Variants in ARHGAP24 observed in about 807,000 individuals in gnomAD.
ARHGAP24 encodes the protein rho GTPase-activating protein 24.
In ARHGAP24, 50 loss-of-function variants were observed where a neutral mutation model predicts 76.4. The observed-to-expected ratio is 0.65, with a 90% confidence interval of 0.52 to 0.83. The LOEUF (loss-of-function observed/expected upper bound fraction) is 0.83, where lower values mean the gene tolerates loss of function less well. ARHGAP24 is among the 40% of genes least tolerant of loss of function. The pLI, the probability that ARHGAP24 is intolerant of heterozygous loss-of-function variation, is 0.00. For synonymous variants in ARHGAP24, 345 were observed against 323.3 expected, an observed-to-expected ratio of 1.07 and a Z score of -0.72; for missense variants, 930 against 914.2, an observed-to-expected ratio of 1.02 and a Z score of -0.22.
At chr4:85,676,776 G>A (rs151155124) in intron 2 of ARHGAP24, among the ~76,000 whole-genome samples, 42 of 152,222 alleles carry the variant, frequency 2.8e-4, no homozygotes, top group African/African-American at 7.2e-5. Flanking sequence ...GCAGAGACAC[G>A]GAGAGCAATG....
chr4:85,999,376 G>A (rs1311049490), intron 9 of ARHGAP24, among the ~76,000 whole-genome samples: 2 of 152,136 alleles, frequency 1.3e-5, no homozygotes, highest in Admixed American at 1.3e-4. Context: ...AATTCTAGTT[G>A]CTTACAAAGA....
intron 5 of ARHGAP24, among the ~76,000 whole-genome samples, chr4:85,954,920 G>A (rs1449677294): frequency 1.3e-5 from 2 of 152,330 alleles, no homozygotes; most frequent in South Asian, 2.1e-4. Flanking sequence ...TGAGGCAGGA[G>A]AATCACTTGA....
chr4:85,713,105 C>G (rs1724588295), intron 2 of ARHGAP24, among the ~76,000 whole-genome samples: 1 of 152,090 alleles, frequency 6.6e-6, no homozygotes, highest in Admixed American at 6.6e-5. Context: ...TGAGACCAGC[C>G]TGGACATTAT....
intron 5 of ARHGAP24, among the ~76,000 whole-genome samples, chr4:85,952,918 A>G (rs1281800075): frequency 1.3e-5 from 2 of 152,240 alleles, no homozygotes; most frequent in Non-Finnish European, 2.9e-5. Flanking sequence ...ATAACTTTTT[A>G]TATTAAACTT....
At chr4:85,546,868 A>AT (rs1180373425) in intron 1 of ARHGAP24, among the ~76,000 whole-genome samples, 1 of 152,148 alleles carries the variant, frequency 6.6e-6, no homozygotes, top group Non-Finnish European at 1.5e-5. Context: ...TTCACCTTCA[A>AT]TTATTTACAT....
At chr4:85,495,541 C>T (rs1396819160) in intron 1 of ARHGAP24, among the ~76,000 whole-genome samples, 2 of 151,312 alleles carry the variant, frequency 1.3e-5, no homozygotes, top group Non-Finnish European at 2.9e-5. Context: ...TTAGTAGAGA[C>T]GGGTTTTCAC....
chr4:85,716,430 A>G (rs796066235), intron 2 of ARHGAP24, among the ~76,000 whole-genome samples: 3 of 152,262 alleles, frequency 2.0e-5, no homozygotes, highest in African/African-American at 7.2e-5. Context: ...TCAGGAATAA[A>G]AATACGTATA....
At chr4:85,752,903 T>C (rs1726316511) in intron 3 of ARHGAP24, among the ~76,000 whole-genome samples, 1 of 152,236 alleles carries the variant, frequency 6.6e-6, no homozygotes, top group African/African-American at 2.4e-5. Context: ...TACTTACTTC[T>C]GAACATTACC....
At chr4:85,620,051 A>AT (rs1398542191) in intron 2 of ARHGAP24, among the ~76,000 whole-genome samples, 2 of 151,870 alleles carry the variant, frequency 1.3e-5, no homozygotes, top group African/African-American at 2.4e-5. Context: ...TGTATGATTG[A>AT]TTTTCACTTA....
At chr4:85,593,997 T>C (rs1167486239) in intron 2 of ARHGAP24, among the ~76,000 whole-genome samples, 1 of 152,094 alleles carries the variant, frequency 6.6e-6, no homozygotes, top group East Asian at 1.9e-4. Flanking sequence ...AGAATGTCAT[T>C]GGTATTTTTA....
chr4:85,859,852 T>C (rs1379764790), intron 3 of ARHGAP24, among the ~76,000 whole-genome samples: 1 of 152,118 alleles, frequency 6.6e-6, no homozygotes, highest in Non-Finnish European at 1.5e-5. Context: ...GCACCCCTAG[T>C]TATGTTTCAG....
chr4:85,494,500 C>T (rs1341046714), intron 1 of ARHGAP24, among the ~76,000 whole-genome samples: 1 of 151,912 alleles, frequency 6.6e-6, no homozygotes, highest in East Asian at 1.9e-4. Context: ...TCCTGGCCAA[C>T]ATGGTGAAAC....
intron 2 of ARHGAP24, among the ~76,000 whole-genome samples, chr4:85,714,624 A>G (rs116521233): frequency 5.6e-4 from 85 of 152,226 alleles, no homozygotes; most frequent in African/African-American, 1.9e-3. Flanking sequence ...TACATTCTAC[A>G]GTGTGTACGG....
intron 2 of ARHGAP24, among the ~76,000 whole-genome samples, chr4:85,702,028 A>G (rs892934339): frequency 6.6e-6 from 1 of 152,130 alleles, no homozygotes. Flanking sequence ...CCCATGGTAC[A>G]TATTTTTCTT....
intron 3 of ARHGAP24, among the ~76,000 whole-genome samples, chr4:85,788,633 C>A (rs1423209997): frequency 6.6e-6 from 1 of 152,170 alleles, no homozygotes; most frequent in Non-Finnish European, 1.5e-5. Context: ...ATATTTCATA[C>A]AAATTCTGGT....
rs1004132645 is a variant in ARHGAP24, at chr4:85,721,738, T to G, written c.181-147T>G. On this transcript the variant is annotated intron_variant, in intron 2 of 9. Coordinates refer to ENST00000395184, the MANE Select transcript of ARHGAP24 (RefSeq NM_001025616.3). Reference sequence around the variant, plus strand: ...GAGTGAACATGATTCTGGCACATAATTTTTGATTATTGGGAATATAAAAGA... The same window carrying G: ...GAGTGAACATGATTCTGGCACATAAGTTTTGATTATTGGGAATATAAAAGA... 2.7e-5 allele frequency: 19 copies of G among 709,036 alleles called. No individual in the cohort carries two copies. In the Admixed American group the frequency reaches 2.9e-4, roughly 11 times the overall value. 43.9% of individuals were successfully genotyped at this position (709,036 alleles called of 1,614,324 possible). A position where few individuals can be genotyped will look rare whatever the true frequency, so the allele number is the denominator to read the frequency against.
At chr4:85,629,198 G>T (rs1306783703) in intron 2 of ARHGAP24, among the ~76,000 whole-genome samples, 1 of 152,086 alleles carries the variant, frequency 6.6e-6, no homozygotes, top group Admixed American at 6.6e-5. Flanking sequence ...TCTATTGCTA[G>T]CTTATAACAA....
At chr4:85,596,149 G>A (rs6815397) in intron 2 of ARHGAP24, among the ~76,000 whole-genome samples, 77,220 of 151,696 alleles carry the variant, frequency 0.51, 21,378 homozygotes, top group Non-Finnish European at 0.64. Context: ...AATGGAATAT[G>A]ATGAGTAGAA....
intron 2 of ARHGAP24, among the ~76,000 whole-genome samples, chr4:85,620,647 T>G (rs546731375): frequency 2.0e-4 from 30 of 152,014 alleles, no homozygotes; most frequent in Non-Finnish European, 3.7e-4. Context: ...TCTATTTCAT[T>G]TATTTCTGCT....
Sources: gnomAD v4.1 joint callset for allele counts (sites outside exome capture counted in the v4.1 genomes callset) on GRCh38, gnomAD v4.1.1 for gene constraint, MANE v1.5 for transcripts, NCBI Gene and HGNC (gene_info 2026-07-23, HGNC 2026-07-21) for gene names.